The following TTBK2 variants were observed in gnomAD, a reference collection of about 807,000 sequenced individuals.
TTBK2 encodes tau-tubulin kinase 2.
Under a neutral mutation model 110.8 loss-of-function variants are expected in TTBK2, and 28 were observed. The observed-to-expected ratio is 0.25, with a 90% CI of 0.19 to 0.35. The LOEUF (loss-of-function observed/expected upper bound fraction) is 0.35, where lower values mean the gene tolerates loss of function less well. Among genes scored for constraint, TTBK2 ranks in the 10% least tolerant of loss-of-function variants. TTBK2 has a pLI of 1.00. For missense variants in TTBK2, 1,369 were observed against 1,500.3 expected (o/e 0.91, Z 1.45); for synonymous variants, 532 against 527.3 (o/e 1.01, Z -0.12).
rs533607250 is a variant in TTBK2, at chr15:42,915,006, T to C, written c.-68+5432A>G. Reference sequence around the variant, plus strand: ...TGTTGGCTGTTAAATCTCCAACCCCTAGCACAGTAACATGGTAGATGCTTA... The same window carrying C: ...TGTTGGCTGTTAAATCTCCAACCCCCAGCACAGTAACATGGTAGATGCTTA... On this transcript the variant is annotated intron_variant, in intron 1 of 14. Transcript: ENST00000267890. Among the ~76,000 whole-genome samples, 4 of 152,354 alleles carry C rather than the reference T, an allele frequency of 2.6e-5. No individual in the cohort carries two copies. In the East Asian group the frequency reaches 7.7e-4, roughly 29 times the overall value.
rs761411827 is a variant in TTBK2 at position 42,851,249 on chromosome 15, G to GA, written c.218-10817dup. ...GGCGACAGAGCAAAACTCTGTCTCAGAAAAAAAAAAAAAAGAAAGAAAAGA... is the reference window on the plus strand; with the variant it reads ...GGCGACAGAGCAAAACTCTGTCTCAGAAAAAAAAAAAAAAAGAAAGAAAAGA... On this transcript the variant is annotated intron_variant, in intron 3 of 14. Coordinates refer to ENST00000267890, the MANE Select transcript of TTBK2 (RefSeq NM_173500.4). Among the ~76,000 whole-genome samples, 440 of 100,126 alleles carry GA rather than the reference G, an allele frequency of 4.4e-3. 2 individuals carry two copies. The highest frequency in any genetic ancestry group is 0.013 in the African/African-American group (349 of 27,086). 65.7% of individuals were successfully genotyped at this position (100,126 alleles called of 152,430 possible).
At chr15:42,772,281 T>C (rs935309407) in intron 13 of TTBK2, among the ~76,000 whole-genome samples, 23 of 152,264 alleles carry the variant, frequency 1.5e-4, no homozygotes, top group African/African-American at 5.3e-4. Flanking sequence ...CCAGATGTCA[T>C]GTCAGCTATG....
At chr15:42,903,723 T>A (rs1210872401) in intron 1 of TTBK2, among the ~76,000 whole-genome samples, 2 of 152,190 alleles carry the variant, frequency 1.3e-5, no homozygotes, top group Non-Finnish European at 1.5e-5. Flanking sequence ...CTGCTATTGA[T>A]CCTTTCCCTT....
chr15:42,789,303 G>GTGTA (rs150075496), intron 10 of TTBK2, among the ~76,000 whole-genome samples: 77 of 149,844 alleles, frequency 5.1e-4, no homozygotes, highest in Non-Finnish European at 8.8e-4. Context: ...GTGTGTGTGT[G>GTGTA]TATATATATA....
chr15:42,801,977 T>A, intron 9 of TTBK2: 1 of 1,559,374 alleles, frequency 6.4e-7, no homozygotes, highest in Non-Finnish European at 8.7e-7. Flanking sequence ...CACTTAAGGT[T>A]GTTGATGTAG....
chr15:42,885,182 G>C (rs1895193144), intron 1 of TTBK2, among the ~76,000 whole-genome samples: 1 of 152,216 alleles, frequency 6.6e-6, no homozygotes. Context: ...AGACACGTGA[G>C]ACATTTGGTG....
intron 9 of TTBK2, among the ~76,000 whole-genome samples, chr15:42,799,718 G>A (rs1339534285): frequency 6.6e-6 from 1 of 152,044 alleles, no homozygotes; most frequent in Admixed American, 6.5e-5. Flanking sequence ...TTACAGGCGT[G>A]AGCCACCGCA....
chr15:42,766,446 C>CAAAAAAAAAAAAAA (rs567972612), intron 13 of TTBK2, among the ~76,000 whole-genome samples: 645 of 30,792 alleles, frequency 0.021, 71 homozygotes, highest in African/African-American at 0.047. Context: ...GAATGGAAAG[C>CAAAAAAAAAAAAAA]AAAAAAAAAA....
At chr15:42,917,602 C>A (rs1453909501) in intron 1 of TTBK2, among the ~76,000 whole-genome samples, 1 of 151,448 alleles carries the variant, frequency 6.6e-6, no homozygotes, top group African/African-American at 2.4e-5. Context: ...GCTTTCAGTA[C>A]TTTCGGCATA....
intron 3 of TTBK2, among the ~76,000 whole-genome samples, chr15:42,846,733 A>G (rs576052732): frequency 2.6e-5 from 4 of 152,334 alleles, no homozygotes; most frequent in African/African-American, 9.6e-5. Context: ...CTATATAATC[A>G]GGACAGGGGC....
rs368815985 is a variant in TTBK2 at position 42,783,489 on chromosome 15, C to T, written c.1127G>A (p.Arg376His). 4.9e-5 allele frequency: 79 copies of T among 1,614,004 alleles called. No homozygotes were observed. The African/African-American group carries it at 7.7e-4, about 16-fold the overall frequency. ...DKLPGSLGHP[R>H]PQEKDVWEEM... Reference sequence around the variant, plus strand: ...TTCCCAAACATCCTTCTCCTGGGGACGGGGGTGTCCCAGAGATCCAGGCAA... The same window carrying T: ...TTCCCAAACATCCTTCTCCTGGGGATGGGGGTGTCCCAGAGATCCAGGCAA... Residue 376 changes from arginine to histidine, a missense_variant, in exon 11 of 15, where the codon CGT (arginine) becomes CAT (histidine). This residue lies in a region of TTBK2 where 1,097 missense variants were observed against 1,114.7 expected (regional missense o/e 0.98). Coordinates refer to ENST00000267890, the MANE Select transcript of TTBK2 (RefSeq NM_173500.4).
chr15:42,814,001 A>T (rs907250759), intron 7 of TTBK2, among the ~76,000 whole-genome samples: 1 of 152,184 alleles, frequency 6.6e-6, no homozygotes, highest in African/African-American at 2.4e-5. Flanking sequence ...AGACAGTATG[A>T]CAGAGTTCAA....
intron 10 of TTBK2, among the ~76,000 whole-genome samples, chr15:42,792,819 T>C (rs1250196101): frequency 1.3e-5 from 2 of 152,248 alleles, no homozygotes; most frequent in Non-Finnish European, 2.9e-5. Context: ...CAAGTTACGC[T>C]GAGGACATGG....
intron 3 of TTBK2, among the ~76,000 whole-genome samples, chr15:42,845,792 T>TAG (rs1219793799): frequency 6.6e-6 from 1 of 151,946 alleles, no homozygotes; most frequent in Non-Finnish European, 1.5e-5. Flanking sequence ...CATCATAGGG[T>TAG]GTGCTTACAA....
chr15:42,757,188 C>T (rs2061959233), intron 13 of TTBK2, among the ~76,000 whole-genome samples: 1 of 151,830 alleles, frequency 6.6e-6, no homozygotes, highest in Non-Finnish European at 1.5e-5. Context: ...CTCACTGCAG[C>T]CTCTAACTCC....
chr15:42,769,111 C>A (rs1162930437), intron 13 of TTBK2, among the ~76,000 whole-genome samples: 1 of 152,116 alleles, frequency 6.6e-6, no homozygotes, highest in African/African-American at 2.4e-5. Flanking sequence ...AAAATTAATT[C>A]AAGATGGATT....
At chr15:42,877,083 T>C (rs1046909795) in intron 2 of TTBK2, among the ~76,000 whole-genome samples, 5 of 152,154 alleles carry the variant, frequency 3.3e-5, no homozygotes, top group African/African-American at 1.2e-4. Context: ...CCTAATCAAA[T>C]TGTACCTCAA....
chr15:42,777,052 G>A lies in TTBK2; in HGVS notation c.1388C>T (p.Thr463Ile). Residue 463 changes from threonine to isoleucine, a missense_variant, in exon 12 of 15, where the codon ACT becomes ATT. By Grantham distance (89) the Thr-to-Ile change is moderately conservative (BLOSUM62 -1). This residue lies in a region of TTBK2 where 1,097 missense variants were observed against 1,114.7 expected (regional missense o/e 0.98). Transcript: ENST00000267890. The part of the protein sequence containing the change: ...KRLTLEPKPD[T>I]DKFLETCLEK... The stretch of plus-strand genomic sequence containing the variant: ...ATACCAGGTCTCAAGGAACTTGTCA[G>A]TGTCTGGCTTTGGCTCCAGGGTCAG... The A allele has an allele frequency of 6.2e-7, 1 of 1,614,116 alleles. No individual in the cohort carries two copies. Among genetic ancestry groups the A allele is most frequent in the Non-Finnish European group, 8.5e-7 (1 of 1,179,978 alleles).
intron 13 of TTBK2, among the ~76,000 whole-genome samples, chr15:42,773,183 A>G (rs1210691909): frequency 1.3e-5 from 2 of 152,148 alleles, no homozygotes; most frequent in East Asian, 1.9e-4. Context: ...AGCCTGGGTG[A>G]CTGAGGAAGA....
Sources: allele counts gnomAD v4.1 joint callset (sites outside exome capture counted in the v4.1 genomes callset), GRCh38; gene constraint gnomAD v4.1.1; regional missense constraint gnomAD v4.1.1; transcripts MANE v1.5; gene names NCBI Gene and HGNC (gene_info 2026-07-23, HGNC 2026-07-21).